The following ANXA8 variants were observed in gnomAD, a reference collection of about 807,000 sequenced individuals.
ANXA8 encodes the protein annexin A8.
In ANXA8, 9 loss-of-function variants were observed where a neutral mutation model predicts 26.8. That is an observed-to-expected ratio of 0.34 (90% CI 0.20 to 0.59). ANXA8 has a LOEUF of 0.59. Among genes scored for constraint, ANXA8 ranks in the 20% least tolerant of loss-of-function variants. ANXA8 has a pLI of 0.84. For missense variants in ANXA8, 83 were observed against 238.5 expected, an observed-to-expected ratio of 0.35 and a Z score of 4.29; for synonymous variants, 39 against 94.8, an observed-to-expected ratio of 0.41 and a Z score of 3.42.
At chr10:47,559,676 G>A in the ANXA8 span, among the ~76,000 whole-genome samples, 13 of 150,692 alleles carry the variant, frequency 8.6e-5, no homozygotes, top group South Asian at 6.3e-4. Flanking sequence ...CCCAGTACTC[G>A]GTATTTGCCA....
chr10:47,894,740 A>C, the ANXA8 span, among the ~76,000 whole-genome samples: 5 of 152,158 alleles, frequency 3.3e-5, no homozygotes, highest in Admixed American at 3.3e-4. Flanking sequence ...CATACCACAC[A>C]ATACAGCACA....
chr10:47,554,048 G>A, the ANXA8 span, among the ~76,000 whole-genome samples: 1 of 149,370 alleles, frequency 6.7e-6, no homozygotes, highest in Admixed American at 6.7e-5. Context: ...GAGGCAGGAG[G>A]ATTGCTTGAG....
chr10:47,558,145 G>A, the ANXA8 span, among the ~76,000 whole-genome samples: 1 of 151,924 alleles, frequency 6.6e-6, no homozygotes, highest in East Asian at 1.9e-4. Context: ...TGTTTAGTTG[G>A]TTTCTGTTCA....
chr10:47,703,775 T>C, the ANXA8 span, among the ~76,000 whole-genome samples: 2 of 147,296 alleles, frequency 1.4e-5, no homozygotes, highest in African/African-American at 4.9e-5. Flanking sequence ...ATAAGAAAAC[T>C]CTTCAGACAC....
chr10:47,480,859 CCCAT>C (rs566985938), intron 1 of ANXA8, among the ~76,000 whole-genome samples: 95,875 of 128,334 alleles, frequency 0.75, 37,163 homozygotes, highest in East Asian at 0.88. Context: ...TATGCACCCG[CCCAT>C]CCATCCATCC....
chr10:47,709,709 A>G, the ANXA8 span, among the ~76,000 whole-genome samples: 1 of 117,200 alleles, frequency 8.5e-6, no homozygotes, highest in Non-Finnish European at 1.7e-5. Flanking sequence ...ACAGCCTTGC[A>G]GCTGGAAATT....
At chr10:47,553,928 C>T in the ANXA8 span, among the ~76,000 whole-genome samples, 1 of 149,126 alleles carries the variant, frequency 6.7e-6, no homozygotes, top group South Asian at 2.1e-4. Flanking sequence ...CCACTTCCTC[C>T]TCTGTAAAGA....
chr10:47,719,615 A>AT, the ANXA8 span, among the ~76,000 whole-genome samples: 3 of 99,024 alleles, frequency 3.0e-5, no homozygotes, highest in African/African-American at 1.3e-4. Context: ...GAAACATCAC[A>AT]TGTTCAGCCA....
chr10:47,900,812 A>G, the ANXA8 span, among the ~76,000 whole-genome samples: 2 of 148,724 alleles, frequency 1.3e-5, no homozygotes, highest in African/African-American at 2.5e-5. Context: ...CACAGGAAGA[A>G]TATGTCCAAG....
the ANXA8 span, among the ~76,000 whole-genome samples, chr10:47,755,518 G>A: frequency 6.7e-6 from 1 of 149,302 alleles, no homozygotes; most frequent in African/African-American, 2.5e-5. Context: ...GCCTCCCAAA[G>A]TGCTGGGATT....
the ANXA8 span, among the ~76,000 whole-genome samples, chr10:47,951,682 A>G: frequency 1.2e-4 from 18 of 150,036 alleles, 1 homozygote; most frequent in African/African-American, 4.5e-4. Context: ...GTGGTGGTGT[A>G]CGCATGTAAT....
chr10:47,649,387 G>A, the ANXA8 span, among the ~76,000 whole-genome samples: 231 of 151,482 alleles, frequency 1.5e-3, no homozygotes, highest in Non-Finnish European at 2.5e-3. Context: ...ACAGCAAATA[G>A]ATAAATTGGA....
At chr10:47,669,007 G>C in the ANXA8 span, among the ~76,000 whole-genome samples, 5 of 151,818 alleles carry the variant, frequency 3.3e-5, no homozygotes, top group African/African-American at 1.2e-4. Context: ...GAGGGAAGTA[G>C]GGCAGTGAGG....
At chr10:47,733,203 TTC>T in the ANXA8 span, among the ~76,000 whole-genome samples, 13 of 107,762 alleles carry the variant, frequency 1.2e-4, no homozygotes, top group Admixed American at 3.9e-4. Context: ...CTTTCTTTCT[TTC>T]TTTCTTTCTT....
At chr10:47,707,178 A>AAAC in the ANXA8 span, among the ~76,000 whole-genome samples, 6 of 139,294 alleles carry the variant, frequency 4.3e-5, 1 homozygote, top group Non-Finnish European at 9.4e-5. Flanking sequence ...AAAAAAACAA[A>AAAC]AAAAAACAAA....
the ANXA8 span, among the ~76,000 whole-genome samples, chr10:47,489,382 CAG>C: frequency 6.6e-6 from 1 of 150,884 alleles, no homozygotes. Flanking sequence ...TCTTATTCCA[CAG>C]AGAGAACCAT....
the ANXA8 span, among the ~76,000 whole-genome samples, chr10:47,534,652 ATTTTT>A: frequency 1.4e-4 from 14 of 100,214 alleles, no homozygotes; most frequent in Admixed American, 1.0e-3. Context: ...CCCAGTTATA[ATTTTT>A]TTTTTTTTTT....
chr10:47,771,912 G>A, the ANXA8 span, among the ~76,000 whole-genome samples: 1 of 151,118 alleles, frequency 6.6e-6, no homozygotes, highest in Non-Finnish European at 1.5e-5. Flanking sequence ...GAAATCTTTT[G>A]GTTACAATTT....
At chr10:47,509,859 T>C in the ANXA8 span, among the ~76,000 whole-genome samples, 6 of 132,040 alleles carry the variant, frequency 4.5e-5, 1 homozygote, top group East Asian at 7.0e-4. Context: ...CTATGATGCA[T>C]TGAAAAACTA....
Sources: allele counts gnomAD v4.1 joint callset (sites outside exome capture counted in the v4.1 genomes callset), GRCh38; gene constraint gnomAD v4.1.1; transcripts MANE v1.5; gene names NCBI Gene and HGNC (gene_info 2026-07-23, HGNC 2026-07-21).